PHC3: variants seen among roughly 807,000 people sequenced by gnomAD.
The protein encoded by PHC3 is polyhomeotic homolog 3.
PHC3 carries 13 observed loss-of-function variants against 107.4 expected under a neutral mutation model. That is an observed-to-expected ratio of 0.12 (90% CI 0.08 to 0.19). The LOEUF (loss-of-function observed/expected upper bound fraction) is 0.19, where lower values mean the gene tolerates loss of function less well. Ranked by LOEUF, PHC3 falls within the 10% of genes least tolerant of loss-of-function variation. PHC3 has a pLI of 1.00. For synonymous variants in PHC3, 456 were observed against 427.4 expected (o/e 1.07, Z -0.83); for missense variants, 992 against 1,210.9 (o/e 0.82, Z 2.68).
intron 10 of PHC3, among the ~76,000 whole-genome samples, chr3:170,115,903 A>C (rs1175656860): frequency 6.6e-6 from 1 of 151,554 alleles, no homozygotes; most frequent in Non-Finnish European, 1.5e-5. Flanking sequence ...ACACACACAC[A>C]CGAAATTGAA....
At chr3:170,175,958 T>G (rs1012560907) in intron 2 of PHC3, among the ~76,000 whole-genome samples, 2 of 147,784 alleles carry the variant, frequency 1.4e-5, no homozygotes, top group Admixed American at 1.4e-4. Context: ...CCGGGCACGG[T>G]AGCTCATGCC....
At chr3:170,135,206 A>G (rs1722873056) in intron 7 of PHC3, among the ~76,000 whole-genome samples, 1 of 152,146 alleles carries the variant, frequency 6.6e-6, no homozygotes, top group South Asian at 2.1e-4. Context: ...GCTGGAGTGC[A>G]GTGGTGCAAT....
intron 6 of PHC3, among the ~76,000 whole-genome samples, chr3:170,143,436 T>A (rs1461289175): frequency 6.6e-6 from 1 of 152,186 alleles, no homozygotes; most frequent in Non-Finnish European, 1.5e-5. Context: ...TAGCCTTTAC[T>A]TGTAAATGAA....
chr3:170,134,654 T>C (rs961161822), intron 7 of PHC3, among the ~76,000 whole-genome samples: 1 of 152,074 alleles, frequency 6.6e-6, no homozygotes, highest in Admixed American at 6.6e-5. Context: ...CCAACAAATA[T>C]GTACCTCCTA....
chr3:170,151,759 T>C (rs750079916), intron 4 of PHC3, among the ~76,000 whole-genome samples: 3 of 152,002 alleles, frequency 2.0e-5, no homozygotes, highest in South Asian at 2.1e-4. Flanking sequence ...GGGAAGGAGG[T>C]ACCTATGAGA....
rs117303283 is a variant in PHC3 at position 170,159,328 on chromosome 3, G to A, written c.415-10084C>T. Among the ~76,000 whole-genome samples, 9 of 151,190 alleles carry A rather than the reference G, an allele frequency of 6.0e-5. No individual in the cohort carries two copies. The East Asian group carries it at 7.7e-4, about 13-fold the overall frequency. ...AGTATTTTATCCATAATAGAAAAAC[G>A]GAATATTAGTTTGAAAGAACAATGA... On this transcript the variant is annotated intron_variant, in intron 4 of 14. Transcript: ENST00000495893.
At chr3:170,173,801 G>A (rs1164693547) in intron 2 of PHC3, among the ~76,000 whole-genome samples, 1 of 152,110 alleles carries the variant, frequency 6.6e-6, no homozygotes, top group Non-Finnish European at 1.5e-5. Context: ...GACCACTGAT[G>A]GGTAGCTAGA....
At position 170,104,422 on chromosome 3, in the gene PHC3, C is replaced by A. The variant is rs1716076602; in HGVS notation, c.2469-1488G>T. On this transcript the variant is annotated intron_variant, in intron 12 of 14. Transcript: ENST00000495893. ...GTTTCATTTTTACATATATGAAACG[C>A]CTTGGTAACCTATTTTCAAAAATCT... Among the ~76,000 whole-genome samples the A allele has an allele frequency of 2.0e-5, 3 of 152,172 alleles. No individual in the cohort carries two copies. In the South Asian group the frequency reaches 6.2e-4, roughly 32 times the overall value.
chr3:170,125,999 CTAAA>C (rs972975137), intron 8 of PHC3: 8 of 977,278 alleles, frequency 8.2e-6, no homozygotes, highest in African/African-American at 1.8e-5. Context: ...TTTCCCTTTC[CTAAA>C]TAAACTGAGG....
chr3:170,155,809 G>A (rs1256481219), intron 4 of PHC3, among the ~76,000 whole-genome samples: 1 of 151,912 alleles, frequency 6.6e-6, no homozygotes, highest in Non-Finnish European at 1.5e-5. Flanking sequence ...ACTCAATATA[G>A]AAACACACAC....
intron 10 of PHC3, among the ~76,000 whole-genome samples, chr3:170,116,574 CAAAT>C (rs1316041347): frequency 6.6e-6 from 1 of 151,380 alleles, no homozygotes; most frequent in Non-Finnish European, 1.5e-5. Context: ...CTCAAAAACT[CAAAT>C]AAATAAATAA....
In PHC3 at chr3:170,102,829, C is replaced by T. The variant is rs780954880; in HGVS notation, c.2574G>A (p.Gly858=). 5.1e-5 allele frequency: 82 copies of T among 1,613,766 alleles called. No individual in the cohort carries two copies. The South Asian group carries it at 6.7e-4, about 13-fold the overall frequency. The part of the protein sequence containing the change: ...HRGRRPSGPD[G]AAREHILRQL... ...GCCTAAGGATATGTTCTCTCGCTGC[C>T]CCATCAGGGCCACTTGGACGACGGC... The change falls in exon 13 of 15, where the codon GGG becomes GGA. Residue 858 remains glycine (G), a synonymous_variant. Transcript: ENST00000495893.
chr3:170,099,342 C>T (rs996302474), intron 14 of PHC3, among the ~76,000 whole-genome samples: 1 of 151,706 alleles, frequency 6.6e-6, no homozygotes, highest in African/African-American at 2.4e-5. Flanking sequence ...CTTAAGCTAA[C>T]CACAAAAAAA....
chr3:170,113,194 G>T (rs917011632), intron 11 of PHC3, among the ~76,000 whole-genome samples, 166 bp downstream of exon 11: 4 of 152,150 alleles, frequency 2.6e-5, no homozygotes, highest in Admixed American at 2.6e-4. Flanking sequence ...TGTGACCATT[G>T]AGAGTCTGAT....
Position 170,119,844 on chromosome 3 carries a change from A to AAG in PHC3, c.1943-2369_1943-2368insCT, listed in dbSNP as rs145841673. On this transcript the variant is annotated intron_variant, in intron 9 of 14. Coordinates refer to ENST00000495893, the MANE Select transcript of PHC3 (RefSeq NM_024947.4). ...ATGAGTTACTGTAAAAAAAAAAAAAATCAACCTGTGCTTTAGTTCCCCCTC... is the reference window on the plus strand; with the variant it reads ...ATGAGTTACTGTAAAAAAAAAAAAAAAGTCAACCTGTGCTTTAGTTCCCCCTC... Among the ~76,000 whole-genome samples, 5 of 151,852 alleles carry AAG rather than the reference A, an allele frequency of 3.3e-5. No homozygotes were observed. The East Asian group carries it at 5.8e-4, about 18-fold the overall frequency.
At chr3:170,100,793 A>G (rs1471822274) in intron 14 of PHC3, among the ~76,000 whole-genome samples, 1 of 152,216 alleles carries the variant, frequency 6.6e-6, no homozygotes, top group African/African-American at 2.4e-5. Context: ...ATAAAAAAAG[A>G]AGTGAAAGAA....
chr3:170,167,550 AG>A (rs1217328894), intron 4 of PHC3, among the ~76,000 whole-genome samples: 1 of 152,176 alleles, frequency 6.6e-6, no homozygotes, highest in African/African-American at 2.4e-5. Flanking sequence ...ACTTCAGGTC[AG>A]GAGTTCGAGA....
intron 11 of PHC3, among the ~76,000 whole-genome samples, chr3:170,107,294 C>G (rs1294310278): frequency 6.6e-6 from 1 of 152,148 alleles, no homozygotes; most frequent in Non-Finnish European, 1.5e-5. Context: ...AGGAGGAACA[C>G]TTTCAAAAAG....
chr3:170,154,366 C>CT (rs1404003128), intron 4 of PHC3, among the ~76,000 whole-genome samples: 1 of 152,094 alleles, frequency 6.6e-6, no homozygotes, highest in Non-Finnish European at 1.5e-5. Context: ...ATTCGGGGTA[C>CT]TTTTTTAATA....
Sources: gnomAD v4.1 joint callset for allele counts (sites outside exome capture counted in the v4.1 genomes callset) on GRCh38, gnomAD v4.1.1 for gene constraint, MANE v1.5 for transcripts, NCBI Gene and HGNC (gene_info 2026-07-23, HGNC 2026-07-21) for gene names.